The following MYLK4 variants were observed in gnomAD, a reference collection of about 807,000 sequenced individuals.
MYLK4 encodes myosin light chain kinase family member 4.
Under a neutral mutation model 48.1 loss-of-function variants are expected in MYLK4, and 46 were observed. The ratio of observed to expected loss-of-function variants is 0.96; its 90% CI spans 0.75 to 1.22. The LOEUF (loss-of-function observed/expected upper bound fraction) is 1.22. Ranked by LOEUF, MYLK4 falls within the 50% of genes most tolerant of loss-of-function variation. MYLK4 has a pLI of 0.00. For missense variants in MYLK4, 451 were observed against 486.1 expected, an observed-to-expected ratio of 0.93 and a Z score of 0.68; for synonymous variants, 170 against 180.8, an observed-to-expected ratio of 0.94 and a Z score of 0.48.
At chr6:2,748,326 C>G (rs1360008574) in intron 2 of MYLK4, among the ~76,000 whole-genome samples, 1 of 152,124 alleles carries the variant, frequency 6.6e-6, no homozygotes, top group African/African-American at 2.4e-5. Context: ...CTTAAGGAGC[C>G]TTGTCTAGAG....
At chr6:2,692,721 C>A (rs1761855539) in intron 3 of MYLK4, 63 bp downstream of exon 3, 2 of 1,396,568 alleles carry the variant, frequency 1.4e-6, no homozygotes, top group East Asian at 2.8e-5. Flanking sequence ...CTCTGAATAA[C>A]AACAGGACTT....
chr6:2,764,966 C>T, the MYLK4 span, among the ~76,000 whole-genome samples: 1 of 152,228 alleles, frequency 6.6e-6, no homozygotes, highest in Non-Finnish European at 1.5e-5. Context: ...CCCCATTTCC[C>T]TTTCGTTACA....
At chr6:2,770,113 T>C in the MYLK4 span, 1 of 1,614,076 alleles carries the variant, frequency 6.2e-7, no homozygotes, top group Non-Finnish European at 8.5e-7. Context: ...TTTCCTCCCA[T>C]GATTAGGACA....
intron 3 of MYLK4, among the ~76,000 whole-genome samples, chr6:2,689,506 AAACAC>A (rs1761692855): frequency 2.0e-5 from 3 of 152,230 alleles, no homozygotes; most frequent in Admixed American, 2.0e-4. Context: ...GCTGGAAATA[AAACAC>A]CCAATAAAAC....
In MYLK4 at chr6:2,750,825, C is replaced by T. The variant is rs1006636324; in HGVS notation, c.-202G>A. On this transcript the variant is annotated 5_prime_UTR_variant, in exon 1 of 13. Transcript: ENST00000274643. The stretch of plus-strand genomic sequence containing the variant: ...AAAGAGAAATTTTGCAGAATTCAAA[C>T]TGACTATGAAAGTCTCTGGTAAAAG... 1.3e-5 allele frequency: 2 copies of T among 152,580 alleles called. No individual in the cohort carries two copies. Among genetic ancestry groups the T allele is most frequent in the South Asian group, 2.1e-4 (1 of 4,824 alleles). 9.5% of individuals were successfully genotyped at this position (152,580 alleles called of 1,614,324 possible). A position where few individuals can be genotyped will look rare whatever the true frequency, so the allele number is the denominator to read the frequency against.
rs200685938 is a variant in MYLK4, at chr6:2,683,164, T to G, written c.546-2A>C. ...TCAAACAGCTCCCCACCATCCACAC[T>G]GCAGAGGGAAGAGGACTGAAACCCT... is the stretch of plus-strand genomic sequence containing the variant. On this transcript the variant is annotated splice_acceptor_variant, in intron 6 of 12. Transcript: ENST00000274643. LOFTEE classifies it high-confidence loss of function. The G allele has an allele frequency of 6.2e-7, 1 of 1,614,132 alleles. No individual in the cohort carries two copies. The highest frequency in any genetic ancestry group is 1.1e-5 in the South Asian group (1 of 91,072).
chr6:2,766,249 C>A, the MYLK4 span: 1 of 1,509,418 alleles, frequency 6.6e-7, no homozygotes, highest in Admixed American at 2.1e-5. Flanking sequence ...GCCGCCCGCA[C>A]CCCCGGGCGC....
At chr6:2,742,355 A>G (rs1763925292) in intron 2 of MYLK4, among the ~76,000 whole-genome samples, 1 of 152,212 alleles carries the variant, frequency 6.6e-6, no homozygotes, top group Admixed American at 6.5e-5. Flanking sequence ...TGACCCAGCC[A>G]TCCCATTACT....
chr6:2,733,477 T>C (rs1763550955), intron 2 of MYLK4, among the ~76,000 whole-genome samples: 1 of 152,034 alleles, frequency 6.6e-6, no homozygotes, highest in Non-Finnish European at 1.5e-5. Context: ...GCATGGAGTG[T>C]TCACTCAGAA....
In MYLK4 at chr6:2,678,266, C is replaced by T. The variant is rs1761156097; in HGVS notation, c.994G>A (p.Glu332Lys). 1 of 1,614,064 alleles carries T rather than the reference C, an allele frequency of 6.2e-7. No homozygotes were observed. The highest frequency in any genetic ancestry group is 1.7e-5 in the Admixed American group (1 of 60,000). The change falls in exon 10 of 13, where the codon GAG (glutamate) becomes AAG (lysine). Residue 332 changes from glutamate (E) to lysine (K), a missense_variant. Physicochemically the swap from Glu to Lys is moderately conservative, Grantham distance 56 (BLOSUM62 1). Transcript: ENST00000274643. ...LEDEEFQDIS[E>K]EAKEFISKLL... ...TTAGAGATGAACTCCTTGGCCTCCT[C>T]CGAGATGTCCTGAAATTCTTCATCC...
At chr6:2,764,424 C>T in the MYLK4 span, among the ~76,000 whole-genome samples, 8 of 152,152 alleles carry the variant, frequency 5.3e-5, no homozygotes, top group Non-Finnish European at 2.9e-5. Flanking sequence ...TCAATGTGCT[C>T]TTGCCCAGAT....
intron 2 of MYLK4, among the ~76,000 whole-genome samples, chr6:2,726,489 C>A (rs1238734250): frequency 6.6e-6 from 1 of 151,878 alleles, no homozygotes; most frequent in African/African-American, 2.4e-5. Context: ...TTAGAGGAGA[C>A]AAAAACCATG....
the MYLK4 span, among the ~76,000 whole-genome samples, chr6:2,764,239 C>T: frequency 4.6e-5 from 7 of 152,128 alleles, no homozygotes; most frequent in Non-Finnish European, 7.4e-5. Context: ...TTGAGCCTAA[C>T]TTTTTTAGTT....
chr6:2,746,128 G>A (rs6932116), intron 2 of MYLK4, among the ~76,000 whole-genome samples: 32 of 151,440 alleles, frequency 2.1e-4, no homozygotes, highest in African/African-American at 7.7e-4. Flanking sequence ...TGAGTCAGGC[G>A]TGGTTGCGTG....
At chr6:2,742,554 T>A (rs554480866) in intron 2 of MYLK4, among the ~76,000 whole-genome samples, 111 of 151,368 alleles carry the variant, frequency 7.3e-4, no homozygotes, top group Middle Eastern at 6.8e-3. Context: ...AATGATGAGT[T>A]CATGTCCTTT....
At chr6:2,763,248 A>G in the MYLK4 span, among the ~76,000 whole-genome samples, 2 of 152,256 alleles carry the variant, frequency 1.3e-5, no homozygotes, top group Admixed American at 6.5e-5. Context: ...AGTCCCCACC[A>G]GACTCAGAAA....
intron 2 of MYLK4, among the ~76,000 whole-genome samples, chr6:2,727,946 CAAAAA>C (rs10716559): frequency 2.9e-5 from 3 of 104,876 alleles, no homozygotes; most frequent in Admixed American, 1.0e-4. Flanking sequence ...GACTCCGTCT[CAAAAA>C]AAAAAAAAAA....
chr6:2,760,041 C>A, the MYLK4 span, among the ~76,000 whole-genome samples: 1 of 152,118 alleles, frequency 6.6e-6, no homozygotes, highest in Non-Finnish European at 1.5e-5. Context: ...AAATAAAAAA[C>A]CAATACAGTA....
chr6:2,763,030 T>G, the MYLK4 span, among the ~76,000 whole-genome samples: 322 of 152,268 alleles, frequency 2.1e-3, no homozygotes, highest in Middle Eastern at 6.8e-3. Context: ...CATCGCCAGC[T>G]CTAGCAGCCT....
Sources: gnomAD v4.1 joint callset for allele counts (sites outside exome capture counted in the v4.1 genomes callset) on GRCh38, gnomAD v4.1.1 for gene constraint, MANE v1.5 for transcripts, NCBI Gene and HGNC (gene_info 2026-07-23, HGNC 2026-07-21) for gene names.